The following TDP1 variants were observed in gnomAD, a reference collection of about 807,000 sequenced individuals.
TDP1 encodes the protein tyr-DNA phosphodiesterase 1.
Under a neutral mutation model 81.5 loss-of-function variants are expected in TDP1, and 64 were observed. The ratio of observed to expected loss-of-function variants is 0.79; its 90% CI spans 0.64 to 0.97. The LOEUF is 0.97. Ranked by LOEUF, TDP1 falls within the 50% of genes least tolerant of loss-of-function variation. The pLI is 0.00. For synonymous variants in TDP1, 256 were observed against 264.3 expected, an observed-to-expected ratio of 0.97 and a Z score of 0.30; for missense variants, 723 against 743.8, an observed-to-expected ratio of 0.97 and a Z score of 0.33.
rs34761866 is a variant in TDP1, at chr14:90,033,451, T to C, written c.1753+237T>C. 4,488 of 572,006 alleles carry C rather than the reference T, an allele frequency of 7.8e-3. 144 individuals carry two copies. Among genetic ancestry groups the C allele is most frequent in the African/African-American group, 0.071 (3,795 of 53,198 alleles). The allele number at this position is 572,006 out of a possible 1,614,324, so 35.4% of individuals were successfully genotyped here. Reference sequence around the variant, plus strand: ...CTTCCTGACTTACACTGGGGCTACATGCTGATAAACCCCTCATGAATTGAA... The same window carrying C: ...CTTCCTGACTTACACTGGGGCTACACGCTGATAAACCCCTCATGAATTGAA... On this transcript the variant is annotated intron_variant, in intron 16 of 16. Coordinates refer to ENST00000335725, the MANE Select transcript of TDP1 (RefSeq NM_018319.4).
At chr14:90,018,484 C>T (rs142471964) in intron 14 of TDP1, among the ~76,000 whole-genome samples, 24 of 152,050 alleles carry the variant, frequency 1.6e-4, no homozygotes, top group African/African-American at 5.5e-4. Context: ...TTTCTTGAGA[C>T]GAGGTTTTAA....
At chr14:89,985,595 TG>T (rs1228963924) in intron 10 of TDP1, among the ~76,000 whole-genome samples, 25 of 152,370 alleles carry the variant, frequency 1.6e-4, no homozygotes, top group African/African-American at 5.3e-4. Flanking sequence ...TAATATATTT[TG>T]ATTATTAAAC....
chr14:90,006,578 C>T (rs908190962), intron 14 of TDP1, among the ~76,000 whole-genome samples: 5 of 151,770 alleles, frequency 3.3e-5, no homozygotes, highest in African/African-American at 9.7e-5. Flanking sequence ...GCTCTGTCAC[C>T]CAGGCTGGAG....
rs1893068603 is a variant in TDP1 at position 89,967,400 on chromosome 14, A to C, written c.637A>C (p.Lys213Gln). The C allele has an allele frequency of 1.9e-6, 3 of 1,614,052 alleles. No homozygotes were observed. Among genetic ancestry groups the C allele is most frequent in the African/African-American group, 2.7e-5 (2 of 75,010 alleles). Residue 213 changes from lysine (K) to glutamine (Q), a missense_variant, in exon 5 of 17, where the codon AAA (lysine) becomes CAA (glutamine). Coordinates refer to ENST00000335725, the MANE Select transcript of TDP1 (RefSeq NM_018319.4). ...NYCFDVDWLV[K>Q]QYPPEFRKKP... ...CTGCTTTGACGTGGACTGGCTCGTA[A>C]AACAGTATCCACCAGAGTTCAGGTG...
intron 14 of TDP1, among the ~76,000 whole-genome samples, chr14:90,009,631 G>C (rs1884460179): frequency 6.6e-6 from 1 of 152,230 alleles, no homozygotes; most frequent in Non-Finnish European, 1.5e-5. Flanking sequence ...GTTATAGCCA[G>C]TGCAATAAGG....
In TDP1 at chr14:90,043,371, T is replaced by G. The variant is rs954549405; in HGVS notation, c.*228T>G. 144 of 600,860 alleles carry G rather than the reference T, an allele frequency of 2.4e-4. No individual in the cohort carries two copies. The highest frequency in any genetic ancestry group is 3.1e-4 in the Non-Finnish European group (106 of 341,408). The allele number at this position is 600,860 out of a possible 1,614,324, so 37.2% of individuals were successfully genotyped here. The stretch of plus-strand genomic sequence containing the variant: ...CTTTTATATGTTTTGGAAAGAAAAT[T>G]AGTGAACTTCTCTATGTTAAAAATA... On this transcript the variant is annotated 3_prime_UTR_variant, in exon 17 of 17. Coordinates refer to ENST00000335725, the MANE Select transcript of TDP1 (RefSeq NM_018319.4).
intron 12 of TDP1, 46 bp from the exon 13 acceptor site, chr14:89,991,871 C>T: frequency 6.5e-7 from 1 of 1,546,112 alleles, no homozygotes; most frequent in Non-Finnish European, 8.8e-7. Context: ...GAGGGATCCT[C>T]AAATTATATT....
chr14:89,960,195 A>G (rs1011883018), intron 2 of TDP1, among the ~76,000 whole-genome samples: 3 of 152,170 alleles, frequency 2.0e-5, no homozygotes, highest in African/African-American at 2.4e-5. Flanking sequence ...AGTTTCTTCA[A>G]AGTGTATTGT....
At chr14:89,989,651 C>T (rs879741623) in intron 11 of TDP1, 66 bp from the exon 12 acceptor site, 2 of 1,318,524 alleles carry the variant, frequency 1.5e-6, no homozygotes, top group Non-Finnish European at 2.2e-6. Context: ...TCCTTAAAAG[C>T]TGATTATCAT....
At chr14:90,019,625 A>T (rs1407203552) in intron 15 of TDP1, among the ~76,000 whole-genome samples, 1 of 152,136 alleles carries the variant, frequency 6.6e-6, no homozygotes, top group Admixed American at 6.5e-5. Flanking sequence ...CCTGCTTTCA[A>T]GGCATGTACT....
intron 14 of TDP1, among the ~76,000 whole-genome samples, chr14:90,001,965 T>A (rs978490403): frequency 6.6e-6 from 1 of 152,212 alleles, no homozygotes; most frequent in Non-Finnish European, 1.5e-5. Context: ...GCAAGGTGCC[T>A]GATCTTACTC....
chr14:90,028,941 C>T (rs1886952575), intron 15 of TDP1, among the ~76,000 whole-genome samples: 1 of 152,038 alleles, frequency 6.6e-6, no homozygotes, highest in Non-Finnish European at 1.5e-5. Context: ...CATTTTTTAC[C>T]TGAAACTCCA....
intron 13 of TDP1, 143 bp from the exon 14 acceptor site, chr14:89,993,233 C>T: frequency 3.8e-6 from 5 of 1,325,474 alleles, no homozygotes; most frequent in Non-Finnish European, 5.1e-6. Flanking sequence ...AATGGAGTTT[C>T]ATAAAATCTC....
At chr14:90,040,271 A>G (rs1007588842) in intron 16 of TDP1, among the ~76,000 whole-genome samples, 6 of 152,136 alleles carry the variant, frequency 3.9e-5, no homozygotes, top group Non-Finnish European at 7.3e-5. Flanking sequence ...TTCTTCCACT[A>G]TAGTCCAGAA....
upstream of TDP1, chr14:89,955,064 G>T (rs1258759986): frequency 4.7e-6 from 1 of 213,632 alleles, no homozygotes; most frequent in Non-Finnish European, 9.4e-6. Context: ...TTAGATCTAT[G>T]ACACTATGCT....
At chr14:89,975,639 G>A (rs1382027970) in intron 6 of TDP1, 142 bp from the exon 7 acceptor site, 6 of 615,270 alleles carry the variant, frequency 9.8e-6, no homozygotes, top group South Asian at 8.9e-5. Flanking sequence ...AAGCTGTCTT[G>A]TTATTCAAGG....
intron 14 of TDP1, among the ~76,000 whole-genome samples, chr14:89,993,909 C>T (rs759602182): frequency 7.2e-5 from 11 of 152,240 alleles, no homozygotes; most frequent in East Asian, 1.9e-4. Flanking sequence ...GTGTAATTCA[C>T]GTACCATAAA....
chr14:90,014,385 A>G (rs1885071897), intron 14 of TDP1, among the ~76,000 whole-genome samples: 2 of 152,190 alleles, frequency 1.3e-5, no homozygotes. Context: ...ATGGAAGGAA[A>G]CCTACGATGT....
At chr14:90,038,837 CA>C (rs537039622) in intron 16 of TDP1, among the ~76,000 whole-genome samples, 30 of 139,250 alleles carry the variant, frequency 2.2e-4, no homozygotes, top group African/African-American at 4.8e-4. Flanking sequence ...GACTCCATCT[CA>C]AAAAAAAAAA....
Sources: allele counts gnomAD v4.1 joint callset (sites outside exome capture counted in the v4.1 genomes callset), GRCh38; gene constraint gnomAD v4.1.1; transcripts MANE v1.5; gene names NCBI Gene and HGNC (gene_info 2026-07-23, HGNC 2026-07-21).